STAM: variants seen among roughly 807,000 people sequenced by gnomAD.
STAM encodes signal transducing adapter molecule 1.
Under a neutral mutation model 63.4 loss-of-function variants are expected in STAM, and 16 were observed. That is an observed-to-expected ratio of 0.25 (90% CI 0.17 to 0.38). STAM has a LOEUF of 0.38. Among genes scored for constraint, STAM ranks in the 10% least tolerant of loss-of-function variants. STAM has a pLI of 1.00. For missense variants in STAM, 636 were observed against 657.1 expected, an observed-to-expected ratio of 0.97 and a Z score of 0.35; for synonymous variants, 238 against 223.9, an observed-to-expected ratio of 1.06 and a Z score of -0.56.
intron 5 of STAM, among the ~76,000 whole-genome samples, chr10:17,690,256 T>C (rs145804938): frequency 1.3e-5 from 2 of 152,304 alleles, no homozygotes; most frequent in African/African-American, 4.8e-5. Flanking sequence ...TGTGTCTGTC[T>C]AGACCAGGCT....
chr10:17,647,316 T>G (rs1554820977), intron 1 of STAM, among the ~76,000 whole-genome samples: 1 of 152,242 alleles, frequency 6.6e-6, no homozygotes, highest in African/African-American at 2.4e-5. Flanking sequence ...CACTTTCTAG[T>G]CCATTTCTTT....
chr10:17,666,556 A>G (rs995190366), intron 2 of STAM, among the ~76,000 whole-genome samples: 36 of 151,860 alleles, frequency 2.4e-4, no homozygotes, highest in Admixed American at 1.4e-3. Flanking sequence ...CACCATGCCC[A>G]GCTAATTTTT....
chr10:17,674,097 T>TG (rs1834752533), intron 2 of STAM, among the ~76,000 whole-genome samples: 1 of 152,212 alleles, frequency 6.6e-6, no homozygotes, highest in Admixed American at 6.5e-5. Context: ...AAGCCTGACC[T>TG]GATTTAGTCT....
At chr10:17,671,117 A>T (rs1472696025) in intron 2 of STAM, among the ~76,000 whole-genome samples, 2 of 152,182 alleles carry the variant, frequency 1.3e-5, no homozygotes, top group Non-Finnish European at 2.9e-5. Flanking sequence ...TTGAGTTCCC[A>T]TGTCTTTTAG....
intron 13 of STAM, among the ~76,000 whole-genome samples, chr10:17,713,520 G>T (rs879993622): frequency 6.9e-6 from 1 of 145,512 alleles, no homozygotes; most frequent in Admixed American, 6.8e-5. Context: ...TCCCACCCCC[G>T]AGTCTACTAT....
chr10:17,714,352 C>T (rs1282294298), intron 13 of STAM, among the ~76,000 whole-genome samples, 191 bp from the exon 14 acceptor site: 1 of 151,840 alleles, frequency 6.6e-6, no homozygotes, highest in East Asian at 1.9e-4. Context: ...AAATAACACA[C>T]ATATTTTTAA....
rs1554830476 is a variant in STAM, at chr10:17,714,539, A to G, written c.1386-4A>G. ...TGTAATTGAGTGTTTTTCTTCCTCC[A>G]CAGTACAATGGTCAGTTCCGTTCAA... On this transcript the variant is annotated splice_polypyrimidine_tract_variant and splice_region_variant and intron_variant, in intron 13 of 13. Transcript: ENST00000377524. 1 of 1,613,336 alleles carries G rather than the reference A, an allele frequency of 6.2e-7. No individual in the cohort carries two copies. The highest frequency in any genetic ancestry group is 8.5e-7 in the Non-Finnish European group (1 of 1,179,460).
chr10:17,671,400 C>G (rs1454663451), intron 2 of STAM, among the ~76,000 whole-genome samples: 1 of 152,192 alleles, frequency 6.6e-6, no homozygotes, highest in Non-Finnish European at 1.5e-5. Context: ...TGGCATGAGT[C>G]TAGGAGTTTT....
intron 9 of STAM, among the ~76,000 whole-genome samples, chr10:17,701,467 T>C (rs1054768652): frequency 1.3e-5 from 2 of 152,214 alleles, no homozygotes; most frequent in Non-Finnish European, 2.9e-5. Flanking sequence ...GTTGCCTGTT[T>C]ATTGGAACAC....
intron 1 of STAM, among the ~76,000 whole-genome samples, chr10:17,649,502 T>G (rs7342130): frequency 0.034 from 5,179 of 152,286 alleles, 104 homozygotes; most frequent in Middle Eastern, 0.14. Flanking sequence ...ATTAATTGAT[T>G]GATTATCTTT....
chr10:17,652,512 A>G (rs1316481759), intron 1 of STAM, among the ~76,000 whole-genome samples: 2 of 152,250 alleles, frequency 1.3e-5, no homozygotes, highest in Admixed American at 6.5e-5. Flanking sequence ...GAACTGTAAG[A>G]TAGCACTCAA....
rs1554830675 is a variant in STAM at position 17,714,951 on chromosome 10, G to A, written c.*171G>A. The A allele has an allele frequency of 3.1e-6, 2 of 642,424 alleles. No homozygotes were observed. Among genetic ancestry groups the A allele is most frequent in the Non-Finnish European group, 5.4e-6 (2 of 373,522 alleles). 39.8% of individuals were successfully genotyped at this position (642,424 alleles called of 1,614,324 possible). ...CTCCTCAATTTACACTGACTTTTTA[G>A]AGGTTCTTCCCCCCCCGCCCCTGCA... On this transcript the variant is annotated 3_prime_UTR_variant, in exon 14 of 14. Transcript: ENST00000377524.
intron 2 of STAM, among the ~76,000 whole-genome samples, chr10:17,663,083 T>G (rs1461376986): frequency 6.6e-6 from 1 of 152,202 alleles, no homozygotes; most frequent in East Asian, 1.9e-4. Flanking sequence ...GCAAACCCCC[T>G]TTTACAACTA....
At position 17,686,413 on chromosome 10, in the gene STAM, G is replaced by T. The variant is rs186380675; in HGVS notation, c.297+1486G>T. On this transcript the variant is annotated intron_variant, in intron 4 of 13. Coordinates refer to ENST00000377524, the MANE Select transcript of STAM (RefSeq NM_003473.4). ...TTTTTTTGAGACAGTGTCTCTCTTT[G>T]TCACCCAGGCTGGAGTACAGTGGCG... 5.3e-3 allele frequency among the ~76,000 whole-genome samples: 678 copies of T among 128,190 alleles called. 25 individuals carry two copies. In the Admixed American group the frequency reaches 0.054, roughly 10 times the overall value. The allele number at this position is 128,190 out of a possible 152,430, so 84.1% of individuals were successfully genotyped here. A position where few individuals can be genotyped will look rare whatever the true frequency, so the allele number is the denominator to read the frequency against.
Position 17,665,676 on chromosome 10 carries a change from A to G in STAM, c.125+5128A>G, listed in dbSNP as rs562405950. The stretch of plus-strand genomic sequence containing the variant: ...GGCATGTAGAATATCTAACACATAT[A>G]CATAATTACTGAATGAAAATTAGTA... On this transcript the variant is annotated intron_variant, in intron 2 of 13. Transcript: ENST00000377524. Among the ~76,000 whole-genome samples, 10 of 152,110 alleles carry G rather than the reference A, an allele frequency of 6.6e-5. No individual in the cohort carries two copies. The South Asian group carries it at 1.7e-3, about 25-fold the overall frequency.
At chr10:17,706,289 C>T (rs1836265815) in intron 12 of STAM, among the ~76,000 whole-genome samples, 1 of 150,614 alleles carries the variant, frequency 6.6e-6, no homozygotes, top group Non-Finnish European at 1.5e-5. Flanking sequence ...GCAGAATCAG[C>T]CATCACACTT....
intron 12 of STAM, 41 bp from the exon 13 acceptor site, chr10:17,708,733 TAA>T: frequency 6.5e-7 from 1 of 1,538,672 alleles, no homozygotes; most frequent in South Asian, 1.2e-5. Flanking sequence ...GTATGCTTAT[TAA>T]AATTTTAGAA....
intron 2 of STAM, among the ~76,000 whole-genome samples, chr10:17,683,620 A>G (rs1382289227): frequency 3.3e-5 from 5 of 151,820 alleles, no homozygotes; most frequent in Non-Finnish European, 7.4e-5. Flanking sequence ...TCCACTTTTT[A>G]ATTTTACATA....
intron 2 of STAM, among the ~76,000 whole-genome samples, chr10:17,668,765 G>A (rs1834505183): frequency 6.6e-6 from 1 of 152,126 alleles, no homozygotes. Context: ...TGCATTTAAG[G>A]TTCCTACGTG....
Sources: allele counts gnomAD v4.1 joint callset (sites outside exome capture counted in the v4.1 genomes callset), GRCh38; gene constraint gnomAD v4.1.1; transcripts MANE v1.5; gene names NCBI Gene and HGNC (gene_info 2026-07-23, HGNC 2026-07-21).